Variants in CACNA1A observed in about 807,000 individuals in gnomAD.
CACNA1A encodes the protein calcium voltage-gated channel subunit alpha1 A.
Under a neutral mutation model 262.4 loss-of-function variants are expected in CACNA1A, and 57 were observed. The ratio of observed to expected loss-of-function variants is 0.22; its 90% CI spans 0.18 to 0.27. The LOEUF (loss-of-function observed/expected upper bound fraction) is 0.27. CACNA1A is among the 10% of genes least tolerant of loss of function. The probability of loss-of-function intolerance (pLI) is 1.00; values close to 1 mark genes in which losing one functional copy is unlikely to be tolerated. For synonymous variants in CACNA1A, 1,431 were observed against 1,419.3 expected (o/e 1.01, Z -0.18); for missense variants, 2,526 against 3,562.8 (o/e 0.71, Z 7.41).
chr19:13,407,687 T>C (rs1163886611), intron 3 of CACNA1A, among the ~76,000 whole-genome samples: 4 of 152,192 alleles, frequency 2.6e-5, no homozygotes, highest in Admixed American at 2.0e-4. Flanking sequence ...GCTGCAACAA[T>C]GCTTCTCTTT....
At chr19:13,391,637 C>A (rs978589276) in intron 3 of CACNA1A, among the ~76,000 whole-genome samples, 1 of 152,052 alleles carries the variant, frequency 6.6e-6, no homozygotes, top group Non-Finnish European at 1.5e-5. Flanking sequence ...TGGCTCACAT[C>A]GGTAGTCCTA....
chr19:13,386,535 T>G (rs2059617626), intron 3 of CACNA1A, among the ~76,000 whole-genome samples: 2 of 152,234 alleles, frequency 1.3e-5, no homozygotes, highest in African/African-American at 4.8e-5. Context: ...ACGCCTGTAA[T>G]CCCAGCCCTT....
intron 1 of CACNA1A, among the ~76,000 whole-genome samples, chr19:13,482,652 G>A (rs945383597): frequency 2.0e-5 from 3 of 152,124 alleles, no homozygotes; most frequent in African/African-American, 7.2e-5. Context: ...GGTATTGGCT[G>A]TCTTCCATTA....
At chr19:13,397,619 A>G (rs2059831172) in intron 3 of CACNA1A, among the ~76,000 whole-genome samples, 1 of 148,954 alleles carries the variant, frequency 6.7e-6, no homozygotes, top group African/African-American at 2.5e-5. Flanking sequence ...CTCTGGTGAC[A>G]TCGATCAAAA....
chr19:13,277,176 G>A, intron 22 of CACNA1A, 48 bp from the exon 23 acceptor site: 2 of 1,356,072 alleles, frequency 1.5e-6, no homozygotes, highest in Non-Finnish European at 1.1e-6. Context: ...GCCTGTTCCA[G>A]CAGAGCCCCG....
At chr19:13,443,070 T>C (rs1445803280) in intron 3 of CACNA1A, among the ~76,000 whole-genome samples, 2 of 152,232 alleles carry the variant, frequency 1.3e-5, no homozygotes, top group African/African-American at 2.4e-5. Context: ...TATTATTTAT[T>C]GACACGGGGT....
chr19:13,353,299 G>GGT (rs367763568), intron 6 of CACNA1A, among the ~76,000 whole-genome samples: 5 of 135,082 alleles, frequency 3.7e-5, no homozygotes, highest in African/African-American at 1.4e-4. Flanking sequence ...TTGTATTTTT[G>GGT]TTTTTTTTTT....
chr19:13,496,509 G>A (rs571756169), intron 1 of CACNA1A, among the ~76,000 whole-genome samples: 104 of 152,272 alleles, frequency 6.8e-4, no homozygotes, highest in Admixed American at 2.3e-3. Context: ...CTGAGACGTG[G>A]GGAAAATCCT....
chr19:13,283,388 C>A lies in CACNA1A; in HGVS notation c.3701G>T (p.Arg1234Leu). 1.2e-6 allele frequency: 2 copies of A among 1,613,884 alleles called. No homozygotes were observed. The highest frequency in any genetic ancestry group is 1.7e-6 in the Non-Finnish European group (2 of 1,179,816). ...FILSTTNPLR[R>L]LCHYILNLRY... is the part of the protein sequence containing the mutation. Reference sequence around the variant, plus strand: ...CAGGTTCAGGATGTAATGGCACAGGCGGCGAAGGCTGTTGGAGACAGATGG... The same window carrying A: ...CAGGTTCAGGATGTAATGGCACAGGAGGCGAAGGCTGTTGGAGACAGATGG... The change falls in exon 22 of 47, where the codon CGC becomes CTC. Residue 1234 changes from arginine (R) to leucine (L), a missense_variant. Arg to Leu is a moderately radical substitution (Grantham distance 102, BLOSUM62 -2). Coordinates refer to ENST00000360228, the MANE Select transcript of CACNA1A (RefSeq NM_001127222.2).
chr19:13,388,822 A>AT (rs2059663933), intron 3 of CACNA1A, among the ~76,000 whole-genome samples: 2 of 152,192 alleles, frequency 1.3e-5, no homozygotes, highest in South Asian at 4.1e-4. Context: ...GAGTGTGTCT[A>AT]TTTTTAACTG....
At chr19:13,344,262 G>A (rs1230989077) in intron 6 of CACNA1A, among the ~76,000 whole-genome samples, 2 of 148,996 alleles carry the variant, frequency 1.3e-5, no homozygotes, top group Non-Finnish European at 3.0e-5. Context: ...AACCCAACAC[G>A]TACCTCAAGG....
At chr19:13,392,762 A>G (rs1033366325) in intron 3 of CACNA1A, among the ~76,000 whole-genome samples, 2 of 150,526 alleles carry the variant, frequency 1.3e-5, no homozygotes, top group African/African-American at 4.9e-5. Context: ...CTTCTTTTTG[A>G]GATGGAGTTT....
At chr19:13,415,968 T>C (rs1419452441) in intron 3 of CACNA1A, among the ~76,000 whole-genome samples, 2 of 151,920 alleles carry the variant, frequency 1.3e-5, no homozygotes, top group Non-Finnish European at 2.9e-5. Context: ...CTCTGAGCGG[T>C]CCTCTCTGAT....
intron 6 of CACNA1A, among the ~76,000 whole-genome samples, chr19:13,352,633 T>C (rs1276587547): frequency 6.6e-6 from 1 of 152,176 alleles, no homozygotes; most frequent in African/African-American, 2.4e-5. Flanking sequence ...CATTTCTTCT[T>C]TTCTAGACAG....
chr19:13,500,971 G>C (rs1982307882), intron 1 of CACNA1A, among the ~76,000 whole-genome samples: 1 of 152,040 alleles, frequency 6.6e-6, no homozygotes, highest in Non-Finnish European at 1.5e-5. Flanking sequence ...ATGACCTTCG[G>C]CAAAAGGCAA....
intron 6 of CACNA1A, among the ~76,000 whole-genome samples, chr19:13,339,769 T>C (rs546657304): frequency 1.6e-4 from 23 of 146,310 alleles, no homozygotes; most frequent in African/African-American, 5.8e-4. Flanking sequence ...TGTTTTGCCA[T>C]GGATTAAAAA....
At chr19:13,394,393 ATCCCGCCATACAAT>A (rs2059774143) in intron 3 of CACNA1A, among the ~76,000 whole-genome samples, 1 of 136,718 alleles carries the variant, frequency 7.3e-6, no homozygotes, top group South Asian at 2.3e-4. Context: ...TGAGATGATG[ATCCCGCCATACAAT>A]TGCCTGCTAA....
chr19:13,319,372 T>G (rs758563783), intron 10 of CACNA1A, among the ~76,000 whole-genome samples: 3 of 152,242 alleles, frequency 2.0e-5, no homozygotes, highest in Non-Finnish European at 4.4e-5. Context: ...CATTCCTTTG[T>G]GTGTACATCA....
chr19:13,489,000 TTTC>T (rs1980405957), intron 1 of CACNA1A, among the ~76,000 whole-genome samples: 3 of 141,034 alleles, frequency 2.1e-5, no homozygotes, highest in African/African-American at 8.7e-5. Context: ...TTTCTTTTCT[TTTC>T]TTTTTTTTTT....
Sources: gnomAD v4.1 joint callset for allele counts (sites outside exome capture counted in the v4.1 genomes callset) on GRCh38, gnomAD v4.1.1 for gene constraint, MANE v1.5 for transcripts, NCBI Gene and HGNC (gene_info 2026-07-23, HGNC 2026-07-21) for gene names.